The following HERC1 variants were observed in gnomAD, a reference collection of about 807,000 sequenced individuals.
HERC1 encodes probable E3 ubiquitin-protein ligase HERC1.
A neutral mutation model predicts 554.3 loss-of-function variants in HERC1; 160 were observed. That is an observed-to-expected ratio of 0.29 (90% CI 0.25 to 0.33). The LOEUF (loss-of-function observed/expected upper bound fraction) is 0.33, where lower values mean the gene tolerates loss of function less well. Among genes scored for constraint, HERC1 ranks in the 10% least tolerant of loss-of-function variants. The pLI, the probability that HERC1 is intolerant of heterozygous loss-of-function variation, is 1.00. For synonymous variants in HERC1, 2,175 were observed against 2,131.7 expected (o/e 1.02, Z -0.56); for missense variants, 4,919 against 5,918.5 (o/e 0.83, Z 5.54).
chr15:63,681,929 G>A (rs923785596), intron 34 of HERC1, among the ~76,000 whole-genome samples: 1 of 152,056 alleles, frequency 6.6e-6, no homozygotes, highest in Non-Finnish European at 1.5e-5. Context: ...TATCCTTACC[G>A]CATCATTATA....
Position 63,713,336 on chromosome 15 carries a change from T to G in HERC1, c.4463+17A>C. On this transcript the variant is annotated intron_variant, in intron 23 of 77. Transcript: ENST00000443617. The stretch of plus-strand genomic sequence containing the variant: ...GGAAGTGAGTAGGTCATGTTTTCAG[T>G]GTCTAGTCAGTCCCACCTGGTCATA... 6.2e-7 allele frequency: 1 copy of G among 1,602,946 alleles called. No individual in the cohort carries two copies. Among genetic ancestry groups the G allele is most frequent in the East Asian group, 2.2e-5 (1 of 44,752 alleles).
intron 66 of HERC1, among the ~76,000 whole-genome samples, chr15:63,634,251 A>T (rs919704300): frequency 1.3e-5 from 2 of 152,240 alleles, no homozygotes; most frequent in Non-Finnish European, 2.9e-5. Flanking sequence ...ATGACCCAAA[A>T]ATATTCATTC....
intron 24 of HERC1, among the ~76,000 whole-genome samples, chr15:63,708,923 T>C (rs893188425): frequency 2.6e-5 from 4 of 152,212 alleles, no homozygotes; most frequent in Non-Finnish European, 5.9e-5. Flanking sequence ...TTCTCTCTAG[T>C]TCTTGTCTTT....
intron 3 of HERC1, among the ~76,000 whole-genome samples, chr15:63,763,618 G>C (rs2075681174): frequency 6.6e-6 from 1 of 151,588 alleles, no homozygotes; most frequent in Admixed American, 6.6e-5. Context: ...AGTGTCTAAG[G>C]ATGCACATCT....
intron 12 of HERC1, among the ~76,000 whole-genome samples, chr15:63,743,234 ATTTTCTTTTTTTTTCTTTTTTTCT>A (rs1405986692): frequency 4.7e-5 from 4 of 84,976 alleles, no homozygotes; most frequent in East Asian, 3.0e-4. Flanking sequence ...TCCTCTGTGT[ATTTTCTTTTTTTTTCTTTTTTTCT>A]TTTTCTTTTT....
intron 17 of HERC1, 96 bp from the exon 18 acceptor site, chr15:63,725,609 G>A: frequency 2.3e-6 from 2 of 853,586 alleles, no homozygotes; most frequent in South Asian, 1.7e-5. Context: ...ATAAGATACT[G>A]ATGCAAAATA....
At chr15:63,630,678 A>G (rs372970354) in intron 68 of HERC1, 43 bp from the exon 69 acceptor site, 101 of 1,568,394 alleles carry the variant, frequency 6.4e-5, no homozygotes, top group Admixed American at 5.5e-5. Context: ...GTTATGCACC[A>G]CACAACACAG....
Sources: allele counts gnomAD v4.1 joint callset (sites outside exome capture counted in the v4.1 genomes callset), GRCh38; gene constraint gnomAD v4.1.1; transcripts MANE v1.5; gene names NCBI Gene and HGNC (gene_info 2026-07-23, HGNC 2026-07-21).